The following FTO variants were observed in gnomAD, a reference collection of about 807,000 sequenced individuals.
FTO encodes the protein alpha-ketoglutarate-dependent dioxygenase FTO.
FTO carries 47 observed loss-of-function variants against 63.9 expected under a neutral mutation model. The ratio of observed to expected loss-of-function variants is 0.74; its 90% CI spans 0.58 to 0.94. The LOEUF is 0.94. FTO is among the 40% of genes least tolerant of loss of function. The pLI is 0.00. For synonymous variants in FTO, 207 were observed against 224.4 expected, an observed-to-expected ratio of 0.92 and a Z score of 0.69; for missense variants, 562 against 618.1, an observed-to-expected ratio of 0.91 and a Z score of 0.96.
intron 1 of FTO, among the ~76,000 whole-genome samples, chr16:53,774,059 A>G (rs892836287): frequency 1.1e-4 from 17 of 152,154 alleles, no homozygotes; most frequent in African/African-American, 4.1e-4. Flanking sequence ...TTAGGCTCCT[A>G]ATATTTCTAT....
At chr16:53,926,161 G>T (rs902783124) in intron 7 of FTO, among the ~76,000 whole-genome samples, 2 of 152,104 alleles carry the variant, frequency 1.3e-5, no homozygotes, top group Admixed American at 1.3e-4. Context: ...ATATTTTTAG[G>T]CACGTCCATC....
intron 3 of FTO, among the ~76,000 whole-genome samples, chr16:53,842,864 AG>A (rs1183398833): frequency 6.6e-6 from 1 of 152,050 alleles, no homozygotes; most frequent in Non-Finnish European, 1.5e-5. Flanking sequence ...TTGTAGAGGT[AG>A]GGTTTCACCA....
intron 5 of FTO, among the ~76,000 whole-genome samples, chr16:53,878,260 G>A (rs763693803): frequency 4.6e-5 from 7 of 152,084 alleles, no homozygotes; most frequent in South Asian, 2.1e-4. Flanking sequence ...ATCATGCCAC[G>A]CCACTGTACT....
At chr16:53,796,399 T>C (rs959958326) in intron 1 of FTO, among the ~76,000 whole-genome samples, 8 of 152,176 alleles carry the variant, frequency 5.3e-5, no homozygotes, top group African/African-American at 1.9e-4. Context: ...ATTGATAAAG[T>C]GTATTGGAAA....
At chr16:53,905,138 G>T (rs1465217107) in intron 7 of FTO, among the ~76,000 whole-genome samples, 1 of 152,018 alleles carries the variant, frequency 6.6e-6, no homozygotes. Context: ...ATCTCTTGCT[G>T]TGTTATCTCA....
At chr16:53,793,585 G>A (rs539086506) in intron 1 of FTO, among the ~76,000 whole-genome samples, 1 of 152,196 alleles carries the variant, frequency 6.6e-6, no homozygotes, top group Non-Finnish European at 1.5e-5. Context: ...CATTTTAAAA[G>A]TGCTAGAAAA....
chr16:53,919,427 G>A (rs2081957175), intron 7 of FTO, among the ~76,000 whole-genome samples: 1 of 152,114 alleles, frequency 6.6e-6, no homozygotes, highest in Non-Finnish European at 1.5e-5. Flanking sequence ...ATGCCTTAAA[G>A]AACTAAAGGT....
chr16:53,784,719 A>G (rs1190755345), intron 1 of FTO, among the ~76,000 whole-genome samples: 1 of 152,242 alleles, frequency 6.6e-6, no homozygotes, highest in Non-Finnish European at 1.5e-5. Context: ...ATTACCAGTC[A>G]TTGCATAGAT....
chr16:53,842,226 C>G (rs2079498257), intron 3 of FTO, among the ~76,000 whole-genome samples: 1 of 152,086 alleles, frequency 6.6e-6, no homozygotes, highest in South Asian at 2.1e-4. Context: ...TCTAGTACAG[C>G]AGTTTAAAGT....
rs1195881337 is a variant in FTO, at chr16:53,897,352, T to C, written c.1239+8401T>C. ...AATAAATCTCCTACTTGTTTTTGATTGACAAAATTAGCTTTCAACTAAAAA... is the reference window on the plus strand; with the variant it reads ...AATAAATCTCCTACTTGTTTTTGATCGACAAAATTAGCTTTCAACTAAAAA... On this transcript the variant is annotated intron_variant, in intron 7 of 8. Coordinates refer to ENST00000471389, the MANE Select transcript of FTO (RefSeq NM_001080432.3). Among the ~76,000 whole-genome samples the C allele has an allele frequency of 6.6e-5, 10 of 152,302 alleles. No homozygotes were observed. The East Asian group carries it at 1.9e-3, about 29-fold the overall frequency.
At chr16:53,916,861 A>G (rs956440764) in intron 7 of FTO, among the ~76,000 whole-genome samples, 2 of 152,214 alleles carry the variant, frequency 1.3e-5, no homozygotes, top group Non-Finnish European at 2.9e-5. Context: ...GGATATCTGG[A>G]GGGGAGCTAA....
In FTO at chr16:54,037,959, A is replaced by G. The variant is rs969393844; in HGVS notation, c.1365-73803A>G. On this transcript the variant is annotated intron_variant, in intron 8 of 8. Transcript: ENST00000471389. Reference sequence around the variant, plus strand: ...ATTTTAGAAAACATATTTAATACAAATACACCCTACACTACTTCTCATCTT... The same window carrying G: ...ATTTTAGAAAACATATTTAATACAAGTACACCCTACACTACTTCTCATCTT... 6.6e-5 allele frequency among the ~76,000 whole-genome samples: 10 copies of G among 152,316 alleles called. No homozygotes were observed. The East Asian group carries it at 1.9e-3, about 29-fold the overall frequency.
chr16:53,848,896 C>T (rs948565584), intron 4 of FTO, among the ~76,000 whole-genome samples: 5 of 152,174 alleles, frequency 3.3e-5, no homozygotes, highest in Admixed American at 1.3e-4. Flanking sequence ...CTTTACATGT[C>T]ACCATTCATG....
chr16:53,763,637 C>G (rs2077123842), intron 1 of FTO, among the ~76,000 whole-genome samples: 1 of 152,140 alleles, frequency 6.6e-6, no homozygotes, highest in Non-Finnish European at 1.5e-5. Context: ...CCTAAATTGG[C>G]AAGTTTCTGT....
intron 8 of FTO, among the ~76,000 whole-genome samples, chr16:54,060,131 T>G (rs1423449844): frequency 6.6e-6 from 1 of 152,220 alleles, no homozygotes; most frequent in Non-Finnish European, 1.5e-5. Context: ...CTTGATAACG[T>G]GACCATTTCA....
chr16:54,077,028 G>A (rs528736354), intron 8 of FTO, among the ~76,000 whole-genome samples: 1 of 152,270 alleles, frequency 6.6e-6, no homozygotes, highest in African/African-American at 2.4e-5. Flanking sequence ...TTAACTGACT[G>A]AGGTAAGGAG....
At chr16:53,932,017 A>G (rs1373478922) in intron 7 of FTO, among the ~76,000 whole-genome samples, 1 of 152,088 alleles carries the variant, frequency 6.6e-6, no homozygotes, top group African/African-American at 2.4e-5. Context: ...TGCCTTTTTT[A>G]GGCAGAACAT....
At chr16:53,872,327 A>T (rs1367919743) in intron 4 of FTO, among the ~76,000 whole-genome samples, 2 of 152,184 alleles carry the variant, frequency 1.3e-5, no homozygotes, top group East Asian at 3.8e-4. Context: ...ACCTTCCTGC[A>T]GTCTGTTTGC....
chr16:53,755,109 C>A (rs73609978), intron 1 of FTO, among the ~76,000 whole-genome samples: 3,235 of 152,238 alleles, frequency 0.021, 116 homozygotes, highest in African/African-American at 0.074. Flanking sequence ...TGACTATGAC[C>A]AAGATTAATA....
Sources: gnomAD v4.1 joint callset for allele counts (sites outside exome capture counted in the v4.1 genomes callset) on GRCh38, gnomAD v4.1.1 for gene constraint, MANE v1.5 for transcripts, NCBI Gene and HGNC (gene_info 2026-07-23, HGNC 2026-07-21) for gene names.